ALDH1L1: variants seen among roughly 807,000 people sequenced by gnomAD.
ALDH1L1 encodes the protein cytosolic 10-formyltetrahydrofolate dehydrogenase.
Under a neutral mutation model 101.1 loss-of-function variants are expected in ALDH1L1, and 68 were observed. The ratio of observed to expected loss-of-function variants is 0.67; its 90% CI spans 0.55 to 0.82. The LOEUF (loss-of-function observed/expected upper bound fraction) is 0.82. ALDH1L1 is among the 40% of genes least tolerant of loss of function. The pLI is 0.00. For synonymous variants in ALDH1L1, 486 were observed against 470.8 expected, an observed-to-expected ratio of 1.03 and a Z score of -0.42; for missense variants, 1,087 against 1,172.7, an observed-to-expected ratio of 0.93 and a Z score of 1.07.
chr3:126,160,945 C>T lies in ALDH1L1; in HGVS notation c.35G>A (p.Gly12Asp). 1 of 1,614,246 alleles carries T rather than the reference C, an allele frequency of 6.2e-7. No individual in the cohort carries two copies. Among genetic ancestry groups the T allele is most frequent in the East Asian group, 2.2e-5 (1 of 44,882 alleles). ...CCTCAGGTGGCAGTAAACTTCCTGG[C>T]CAAACAGGCTCTGTCCAATCACTGC... ...KIAVIGQSLF[G>D]QEVYCHLRKE... The change falls in exon 2 of 23, where the codon GGC becomes GAC. Residue 12 changes from glycine to aspartate, a missense_variant. Transcript: ENST00000393434.
In ALDH1L1 at chr3:126,146,943, G is replaced by A. The variant is rs566021546; in HGVS notation, c.985-17C>T. ...CCAAACACTCTGCAAAGCAAGACCT[G>A]ATGAGAGGCTGGCCCCAGGGGAGCT... On this transcript the variant is annotated splice_polypyrimidine_tract_variant and intron_variant, in intron 8 of 22. Transcript: ENST00000393434. 2 of 1,611,322 alleles carry A rather than the reference G, an allele frequency of 1.2e-6. No homozygotes were observed. The highest frequency in any genetic ancestry group is 1.1e-5 in the South Asian group (1 of 90,358).
chr3:126,157,291 T>A (rs1051562720), intron 4 of ALDH1L1, 52 bp downstream of exon 4: 20 of 1,572,380 alleles, frequency 1.3e-5, no homozygotes, highest in Middle Eastern at 1.7e-4. Flanking sequence ...CTAGGGAGGA[T>A]GCTTGAGGGT....
At chr3:126,157,826 A>C (rs2080946665) in intron 3 of ALDH1L1, among the ~76,000 whole-genome samples, 1 of 152,188 alleles carries the variant, frequency 6.6e-6, no homozygotes, top group Non-Finnish European at 1.5e-5. Context: ...AGAGAGCCTG[A>C]ATCTCAACAG....
chr3:126,155,531 C>T (rs768515774), intron 4 of ALDH1L1, 28 bp from the exon 5 acceptor site: 1 of 1,593,718 alleles, frequency 6.3e-7, no homozygotes, highest in Middle Eastern at 1.7e-4. Flanking sequence ...GTTGCTATCC[C>T]CAGCAATAGG....
Position 126,157,403 on chromosome 3 carries a change from C to T in ALDH1L1, c.468G>A (p.Pro156=), listed in dbSNP as rs2080934370. The change falls in exon 4 of 23, where the codon CCG becomes CCA. Residue 156 remains proline, a synonymous_variant. Coordinates refer to ENST00000393434, the MANE Select transcript of ALDH1L1 (RefSeq NM_012190.4). ...TGTACAGCGTGCTCACGGTGTCGTC[C>T]GGGAGCACCTCACACTCCTTCTGCA... ...LLLQKECEVL[P]DDTVSTLYNR... 2 of 1,614,046 alleles carry T rather than the reference C, an allele frequency of 1.2e-6. No individual in the cohort carries two copies. Among genetic ancestry groups the T allele is most frequent in the East Asian group, 2.2e-5 (1 of 44,864 alleles).
At chr3:126,142,957 A>G (rs560428473) in intron 9 of ALDH1L1, among the ~76,000 whole-genome samples, 1 of 152,298 alleles carries the variant, frequency 6.6e-6, no homozygotes, top group East Asian at 1.9e-4. Flanking sequence ...CATCCCAAAA[A>G]CCCATTATAA....
At chr3:126,197,190 T>G (rs190884772) in intron 1 of ALDH1L1, among the ~76,000 whole-genome samples, 2 of 152,224 alleles carry the variant, frequency 1.3e-5, no homozygotes, top group East Asian at 1.9e-4. Context: ...TTATTTGGAA[T>G]GTACCACTGT....
intron 12 of ALDH1L1, among the ~76,000 whole-genome samples, chr3:126,133,990 G>C (rs561689999): frequency 6.6e-6 from 1 of 152,320 alleles, no homozygotes; most frequent in African/African-American, 2.4e-5. Flanking sequence ...TAGGAACCTT[G>C]TCTAACTCTC....
Position 126,137,844 on chromosome 3 carries a change from T to C in ALDH1L1, c.1193A>G (p.Asp398Gly), listed in dbSNP as rs749989218. ...AATGCTGCACTCGCCCTCCTCATCGTCCCCTCGCAGCTTCCTCACTAACAG... is the reference window on the plus strand; with the variant it reads ...AATGCTGCACTCGCCCTCCTCATCGCCCCCTCGCAGCTTCCTCACTAACAG... ...IQLLVRKLRG[D>G]DEEGECSIDY... is the part of the protein sequence containing the mutation. Residue 398 changes from aspartate (D) to glycine (G), a missense_variant, in exon 10 of 23, where the codon GAC becomes GGC. Physicochemically the swap from Asp to Gly is moderately conservative, Grantham distance 94. Transcript: ENST00000393434. 1 of 1,614,070 alleles carries C rather than the reference T, an allele frequency of 6.2e-7. No individual in the cohort carries two copies. Among genetic ancestry groups the C allele is most frequent in the Non-Finnish European group, 8.5e-7 (1 of 1,179,996 alleles).
upstream of ALDH1L1, chr3:126,180,882 A>G: frequency 6.3e-7 from 1 of 1,583,426 alleles, no homozygotes. Flanking sequence ...TGGCAAGGCT[A>G]AGTGGGTCAG....
At chr3:126,125,840 T>A (rs987665642) in intron 14 of ALDH1L1, 119 bp from the exon 15 acceptor site, 1 of 660,504 alleles carries the variant, frequency 1.5e-6, no homozygotes, top group Non-Finnish European at 2.4e-6. Context: ...GGCTTCCTGA[T>A]AAGGCACCCA....
At chr3:126,148,833 T>G (rs749033917) in intron 8 of ALDH1L1, among the ~76,000 whole-genome samples, 10 of 152,142 alleles carry the variant, frequency 6.6e-5, no homozygotes, top group Non-Finnish European at 1.5e-4. Context: ...AGCAGCAAAC[T>G]GGGCCTAAAT....
At chr3:126,131,110 G>A (rs1323422087) in intron 13 of ALDH1L1, among the ~76,000 whole-genome samples, 2 of 152,200 alleles carry the variant, frequency 1.3e-5, no homozygotes, top group Admixed American at 6.5e-5. Context: ...ACCCGAACTC[G>A]TCTGGATGCA....
chr3:126,103,737 G>A lies in ALDH1L1; in HGVS notation c.*54C>T. 1.3e-6 allele frequency: 2 copies of A among 1,587,854 alleles called. No homozygotes were observed. The highest frequency in any genetic ancestry group is 1.7e-6 in the Non-Finnish European group (2 of 1,161,828). On this transcript the variant is annotated 3_prime_UTR_variant, in exon 23 of 23. Coordinates refer to ENST00000393434, the MANE Select transcript of ALDH1L1 (RefSeq NM_012190.4). ...CTGTGCACCCAGGCTCAAGAGGGAG[G>A]GGGCCCCAGCCACGAGGGAGGGGCA...
chr3:126,163,864 T>C (rs905887784), intron 1 of ALDH1L1, among the ~76,000 whole-genome samples: 3 of 152,208 alleles, frequency 2.0e-5, no homozygotes, highest in Admixed American at 6.5e-5. Flanking sequence ...CCAGTCCCAG[T>C]CGCTCATGAC....
intron 19 of ALDH1L1, chr3:126,110,369 G>A (rs1299382844): frequency 1.1e-5 from 6 of 530,616 alleles, no homozygotes; most frequent in African/African-American, 7.6e-5. Flanking sequence ...ACAGGGGTGT[G>A]GGTGAGGAGG....
intron 20 of ALDH1L1, among the ~76,000 whole-genome samples, chr3:126,108,459 A>G (rs929244787): frequency 6.6e-6 from 1 of 152,168 alleles, no homozygotes; most frequent in Admixed American, 6.5e-5. Context: ...CCTCCATCAC[A>G]CTGTCTTCCA....
At chr3:126,158,753 C>T in intron 2 of ALDH1L1, 114 bp from the exon 3 acceptor site, 2 of 972,250 alleles carry the variant, frequency 2.1e-6, no homozygotes, top group Non-Finnish European at 3.1e-6. Context: ...TGCCCCCTCA[C>T]CCACACCCCA....
At chr3:126,110,301 G>A in intron 19 of ALDH1L1, 192 bp from the exon 20 acceptor site, 1 of 679,062 alleles carries the variant, frequency 1.5e-6, no homozygotes, top group Non-Finnish European at 2.4e-6. Context: ...TGTGTAGAGG[G>A]ACAGAAGTCT....
Sources: gnomAD v4.1 joint callset for allele counts (sites outside exome capture counted in the v4.1 genomes callset) on GRCh38, gnomAD v4.1.1 for gene constraint, MANE v1.5 for transcripts, NCBI Gene and HGNC (gene_info 2026-07-23, HGNC 2026-07-21) for gene names.